The following C8orf34 variants were observed in gnomAD, a reference collection of about 807,000 sequenced individuals.
The protein encoded by C8orf34 is uncharacterized protein C8orf34.
In C8orf34, 65 loss-of-function variants were observed where a neutral mutation model predicts 68.3. That is an observed-to-expected ratio of 0.95 (90% CI 0.78 to 1.17). The LOEUF (loss-of-function observed/expected upper bound fraction) is 1.17, where lower values mean the gene tolerates loss of function less well. Ranked by LOEUF, C8orf34 falls within the 50% of genes most tolerant of loss-of-function variation. The pLI, the probability that C8orf34 is intolerant of heterozygous loss-of-function variation, is 0.00. For synonymous variants in C8orf34, 244 were observed against 241.2 expected, an observed-to-expected ratio of 1.01 and a Z score of -0.11; for missense variants, 664 against 655.4, an observed-to-expected ratio of 1.01 and a Z score of -0.14.
At chr8:68,661,612 TA>T (rs999867696) in intron 8 of C8orf34, among the ~76,000 whole-genome samples, 1 of 152,190 alleles carries the variant, frequency 6.6e-6, no homozygotes, top group African/African-American at 2.4e-5. Flanking sequence ...CTTTTATATA[TA>T]AGCTGATGGG....
At position 68,521,877 on chromosome 8, in the gene C8orf34, G is replaced by A. The variant is rs1420845928; in HGVS notation, c.844G>A (p.Asp282Asn). 6.2e-7 allele frequency: 1 copy of A among 1,614,056 alleles called. No homozygotes were observed. Among genetic ancestry groups the A allele is most frequent in the Admixed American group, 1.7e-5 (1 of 60,020 alleles). The change falls in exon 6 of 14, where the codon GAT (aspartate) becomes AAT (asparagine). Residue 282 changes from aspartate to asparagine, a missense_variant. By Grantham distance (23) the Asp-to-Asn change is conservative (BLOSUM62 1). Coordinates refer to ENST00000518698, the MANE Select transcript of C8orf34 (RefSeq NM_052958.4). Reference sequence around the variant, plus strand: ...GATTGGTAGAGAAGAAAATGATGCTGATCCCCTAGCTGCTGAAATGCTACA... The same window carrying A: ...GATTGGTAGAGAAGAAAATGATGCTAATCCCCTAGCTGCTGAAATGCTACA... ...EWIGREENDA[D>N]PLAAEMLQPP...
rs183644011 is a variant in C8orf34 at position 68,457,578 on chromosome 8, T to C, written c.608-11114T>C. 2.0e-4 allele frequency among the ~76,000 whole-genome samples: 31 copies of C among 152,210 alleles called. No homozygotes were observed. In the East Asian group the frequency reaches 6.0e-3, roughly 29 times the overall value. ...ATTTATTTTAAACTCATAAAAACGA[T>C]TGGTGGAGGTCATATTGAATTAGAA... On this transcript the variant is annotated intron_variant, in intron 3 of 13. Coordinates refer to ENST00000518698, the MANE Select transcript of C8orf34 (RefSeq NM_052958.4).
At position 68,703,743 on chromosome 8, in the gene C8orf34, C is replaced by A. The variant is rs571722407; in HGVS notation, c.1242-5251C>A. 3.9e-4 allele frequency among the ~76,000 whole-genome samples: 60 copies of A among 152,172 alleles called. 1 individual carries two copies. Among genetic ancestry groups the A allele is most frequent in the South Asian group, 1.4e-3 (7 of 4,828 alleles). On this transcript the variant is annotated intron_variant, in intron 8 of 13. Coordinates refer to ENST00000518698, the MANE Select transcript of C8orf34 (RefSeq NM_052958.4). ...TGGGGTTGAGCAACAGCCACCTGTC[C>A]AGGGTTGGCTCAATGACTCATGCTG...
chr8:68,614,159 G>A (rs912469771), intron 7 of C8orf34, among the ~76,000 whole-genome samples: 11 of 152,000 alleles, frequency 7.2e-5, no homozygotes, highest in African/African-American at 1.7e-4. Flanking sequence ...TTGTAAATTT[G>A]TTTGAGTTCA....
chr8:68,689,764 G>C (rs547279334), intron 8 of C8orf34, among the ~76,000 whole-genome samples: 12 of 151,982 alleles, frequency 7.9e-5, no homozygotes, highest in Non-Finnish European at 1.5e-4. Flanking sequence ...GGTTCTATCT[G>C]CTTCCTTGAA....
At chr8:68,525,860 T>C in intron 6 of C8orf34, 1 of 333,318 alleles carries the variant, frequency 3.0e-6, no homozygotes, top group Admixed American at 3.9e-5. Flanking sequence ...CTTTTTAGCA[T>C]TGTGGATGTT....
intron 1 of C8orf34, 112 bp downstream of exon 1, chr8:68,331,451 A>C (rs1222162054): frequency 3.3e-6 from 4 of 1,223,754 alleles, no homozygotes; most frequent in South Asian, 1.3e-5. Context: ...CTAGAGAACC[A>C]ACGCGCGGGA....
At chr8:68,739,197 A>T (rs1175205564) in intron 10 of C8orf34, among the ~76,000 whole-genome samples, 2 of 152,154 alleles carry the variant, frequency 1.3e-5, no homozygotes, top group Non-Finnish European at 2.9e-5. Flanking sequence ...AAACTACATG[A>T]TTATCTCAAT....
chr8:68,529,580 T>C (rs1815158950), intron 6 of C8orf34, among the ~76,000 whole-genome samples: 1 of 152,184 alleles, frequency 6.6e-6, no homozygotes, highest in Non-Finnish European at 1.5e-5. Context: ...AAGTATTTGA[T>C]AACAGGGTGA....
At chr8:68,762,660 AT>A (rs1477780292) in intron 10 of C8orf34, among the ~76,000 whole-genome samples, 1 of 152,148 alleles carries the variant, frequency 6.6e-6, no homozygotes, top group Non-Finnish European at 1.5e-5. Context: ...ACCTCAAAAG[AT>A]GTTTGCTTTG....
intron 1 of C8orf34, among the ~76,000 whole-genome samples, chr8:68,433,867 T>C (rs1166446808): frequency 1.3e-5 from 2 of 152,228 alleles, no homozygotes; most frequent in Non-Finnish European, 1.5e-5. Flanking sequence ...ATGGCTTTGC[T>C]TTTATCTAAT....
intron 8 of C8orf34, among the ~76,000 whole-genome samples, chr8:68,640,859 G>A (rs2130736140): frequency 6.6e-6 from 1 of 152,340 alleles, no homozygotes; most frequent in African/African-American, 2.4e-5. Context: ...CATAGAGGAA[G>A]AGTTTGGCCA....
At chr8:68,598,571 A>C (rs1306798993) in intron 7 of C8orf34, among the ~76,000 whole-genome samples, 3 of 152,140 alleles carry the variant, frequency 2.0e-5, no homozygotes, top group Non-Finnish European at 4.4e-5. Context: ...AACCAAATGA[A>C]AAATAGATTT....
At chr8:68,428,952 G>GC (rs1030892716) in intron 1 of C8orf34, among the ~76,000 whole-genome samples, 9 of 152,056 alleles carry the variant, frequency 5.9e-5, no homozygotes, top group Admixed American at 1.3e-4. Context: ...TAGATGCTTT[G>GC]CAGACCTACC....
chr8:68,676,446 C>G (rs139938848), intron 8 of C8orf34, among the ~76,000 whole-genome samples: 3 of 152,072 alleles, frequency 2.0e-5, no homozygotes, highest in African/African-American at 7.2e-5. Flanking sequence ...ATTTCAACAC[C>G]CTACTTTCAG....
At chr8:68,535,995 G>GA (rs1305594151) in intron 7 of C8orf34, among the ~76,000 whole-genome samples, 4 of 151,418 alleles carry the variant, frequency 2.6e-5, no homozygotes. Context: ...TGACCACTAT[G>GA]AAAAAAAGGT....
At chr8:68,376,257 AG>A (rs1807794269) in intron 1 of C8orf34, among the ~76,000 whole-genome samples, 1 of 145,118 alleles carries the variant, frequency 6.9e-6, no homozygotes, top group South Asian at 2.2e-4. Context: ...AGAAAGAAAA[AG>A]TGCAGCTCTT....
At chr8:68,489,352 A>G (rs1813212322) in intron 5 of C8orf34, among the ~76,000 whole-genome samples, 1 of 152,198 alleles carries the variant, frequency 6.6e-6, no homozygotes, top group South Asian at 2.1e-4. Flanking sequence ...AAAAAATGAT[A>G]GAAAGTATTG....
chr8:68,367,702 G>A (rs1189919208), intron 1 of C8orf34, among the ~76,000 whole-genome samples: 2 of 142,062 alleles, frequency 1.4e-5, no homozygotes, highest in African/African-American at 5.3e-5. Context: ...TGAACAATGA[G>A]ATCACATGGA....
Sources: gnomAD v4.1 joint callset for allele counts (sites outside exome capture counted in the v4.1 genomes callset) on GRCh38, gnomAD v4.1.1 for gene constraint, MANE v1.5 for transcripts, NCBI Gene and HGNC (gene_info 2026-07-23, HGNC 2026-07-21) for gene names.